Variants in RFTN1 observed in about 807,000 individuals in gnomAD.
RFTN1 encodes raftlin.
In RFTN1, 26 loss-of-function variants were observed where a neutral mutation model predicts 46.5. The ratio of observed to expected loss-of-function variants is 0.56; its 90% confidence interval spans 0.41 to 0.78. RFTN1 has a LOEUF of 0.78. Ranked by LOEUF, RFTN1 falls within the 30% of genes least tolerant of loss-of-function variation. The probability of loss-of-function intolerance (pLI) is 0.00; values close to 1 mark genes in which losing one functional copy is unlikely to be tolerated. For missense variants in RFTN1, 693 were observed against 718.7 expected (o/e 0.96, Z 0.41); for synonymous variants, 261 against 284.2 (o/e 0.92, Z 0.82).
rs1198975686 is a variant in RFTN1, at chr3:16,345,944, A to C, written c.1146+11988T>G. On this transcript the variant is annotated intron_variant, in intron 7 of 9. Coordinates refer to ENST00000334133, the MANE Select transcript of RFTN1 (RefSeq NM_015150.2). This position sits in a 1 kb window ranked among gnomAD's most constrained non-coding sequence, Gnocchi z 5.2. ...TTCTGTGGCATACACTGAATATTTTAAACCGCATTTGTCACAGGATTTTGA... is the reference window on the plus strand; with the variant it reads ...TTCTGTGGCATACACTGAATATTTTCAACCGCATTTGTCACAGGATTTTGA... 2 of 152,074 alleles carry C rather than the reference A, an allele frequency of 1.3e-5. No homozygotes were observed. The highest frequency in any genetic ancestry group is 4.8e-5 in the African/African-American group (2 of 41,388). The allele number at this position is 152,074 out of a possible 1,614,324, so 9.4% of individuals were successfully genotyped here.
intron 4 of RFTN1, among the ~76,000 whole-genome samples, chr3:16,399,670 A>C (rs1468701457): frequency 6.6e-6 from 1 of 152,134 alleles, no homozygotes; most frequent in Non-Finnish European, 1.5e-5. Context: ...GATTTCATCC[A>C]TGACCGTGGT....
chr3:16,360,426 A>G (rs2072757071), intron 6 of RFTN1, among the ~76,000 whole-genome samples: 1 of 152,232 alleles, frequency 6.6e-6, no homozygotes, highest in Non-Finnish European at 1.5e-5. Flanking sequence ...AATTACAGGC[A>G]AGAGCCACCG....
intron 2 of RFTN1, among the ~76,000 whole-genome samples, chr3:16,436,543 G>A (rs1274810747): frequency 6.6e-6 from 1 of 152,032 alleles, no homozygotes; most frequent in Admixed American, 6.6e-5. Context: ...ATAGCAGAAA[G>A]ACCTGGGATT....
At chr3:16,441,823 ATC>A (rs1449618117) in intron 2 of RFTN1, among the ~76,000 whole-genome samples, 1 of 152,200 alleles carries the variant, frequency 6.6e-6, no homozygotes, top group African/African-American at 2.4e-5. Context: ...GCTCAACCAA[ATC>A]TCTCTTTTTT....
intron 2 of RFTN1, among the ~76,000 whole-genome samples, chr3:16,491,655 A>T (rs932913833): frequency 6.6e-6 from 1 of 152,114 alleles, no homozygotes; most frequent in Non-Finnish European, 1.5e-5. Context: ...CAGTGGGGGG[A>T]CAAAGCACTG....
In RFTN1 at chr3:16,480,703, C is replaced by G. The variant is rs1283994691; in HGVS notation, c.145+13022G>C. Among the ~76,000 whole-genome samples, 2 of 152,168 alleles carry G rather than the reference C, an allele frequency of 1.3e-5. No homozygotes were observed. The highest frequency in any genetic ancestry group is 2.4e-5 in the African/African-American group (1 of 41,434). On this transcript the variant is annotated intron_variant, in intron 2 of 9. Coordinates refer to ENST00000334133, the MANE Select transcript of RFTN1 (RefSeq NM_015150.2). This position sits in a 1 kb window ranked among gnomAD's most constrained non-coding sequence, Gnocchi z 4.3. ...GAAATATGGTCAAACTATAAAATGA[C>G]AGTGGACCCAGTGAAATTAGAGAAA...
At position 16,454,629 on chromosome 3, in the gene RFTN1, G is replaced by A. The variant is rs2075874503; in HGVS notation, c.146-20592C>T. 4 of 331,220 alleles carry A rather than the reference G, an allele frequency of 1.2e-5. No homozygotes were observed. The Admixed American group carries it at 2.6e-4, about 21-fold the overall frequency. 20.5% of individuals were successfully genotyped at this position (331,220 alleles called of 1,614,324 possible). On this transcript the variant is annotated intron_variant, in intron 2 of 9. Transcript: ENST00000334133. ...GGGAATTGGGTAGATGGATACATAAGACACAAATCTCTCCTTTCTCCTCTC... is the reference window on the plus strand; with the variant it reads ...GGGAATTGGGTAGATGGATACATAAAACACAAATCTCTCCTTTCTCCTCTC...
chr3:16,507,808 CACATACAT>C lies in RFTN1; in HGVS notation c.-9+5626_-9+5633del, dbSNP rs57105411. Reference sequence around the variant, plus strand: ...ACATACACACAAACACACACAAACGCACATACATACATACATACACACACACACACATA... The same window carrying C: ...ACATACACACAAACACACACAAACGCACATACATACACACACACACACATA... On this transcript the variant is annotated intron_variant, in intron 1 of 9. Coordinates refer to ENST00000334133, the MANE Select transcript of RFTN1 (RefSeq NM_015150.2). The surrounding 1 kb of genome is among the most constrained non-coding windows in gnomAD (Gnocchi z 7.1). 9.5e-5 allele frequency among the ~76,000 whole-genome samples: 13 copies of C among 136,968 alleles called. No individual in the cohort carries two copies. The highest frequency in any genetic ancestry group is 3.0e-4 in the Admixed American group (4 of 13,148). 89.9% of individuals were successfully genotyped at this position (136,968 alleles called of 152,430 possible).
chr3:16,470,576 C>T (rs2076177354), intron 2 of RFTN1, among the ~76,000 whole-genome samples: 1 of 152,226 alleles, frequency 6.6e-6, no homozygotes, highest in Non-Finnish European at 1.5e-5. Flanking sequence ...TGTGTATAAA[C>T]TCTGCCCAGA....
rs971278815 is a variant in RFTN1, at chr3:16,481,115, T to C, written c.145+12610A>G. Among the ~76,000 whole-genome samples the C allele has an allele frequency of 6.6e-6, 1 of 152,146 alleles. No homozygotes were observed. The highest frequency in any genetic ancestry group is 2.4e-5 in the African/African-American group (1 of 41,444). ...CTGGGAAAACAGCATGAAGAGTTTT[T>C]ACATTCAGAAAGGAATGCAAAGGAA... On this transcript the variant is annotated intron_variant, in intron 2 of 9. Coordinates refer to ENST00000334133, the MANE Select transcript of RFTN1 (RefSeq NM_015150.2). This position sits in a 1 kb window ranked among gnomAD's most constrained non-coding sequence, Gnocchi z 5.1.
chr3:16,340,881 T>C (rs1301553968), intron 7 of RFTN1, among the ~76,000 whole-genome samples: 2 of 152,136 alleles, frequency 1.3e-5, no homozygotes, highest in East Asian at 3.8e-4. Flanking sequence ...AGTCAAAGAC[T>C]AGGAGAAATA....
intron 5 of RFTN1, among the ~76,000 whole-genome samples, chr3:16,373,746 G>C (rs1400057120): frequency 1.3e-5 from 2 of 152,206 alleles, no homozygotes; most frequent in East Asian, 1.9e-4. Flanking sequence ...GAAGGAACAA[G>C]TGGGCATCAC....
In RFTN1 at chr3:16,327,990, G is replaced by A. The variant is rs528124516; in HGVS notation, c.1147-1114C>T. On this transcript the variant is annotated intron_variant, in intron 7 of 9. Coordinates refer to ENST00000334133, the MANE Select transcript of RFTN1 (RefSeq NM_015150.2). The surrounding 1 kb of genome is among the most constrained non-coding windows in gnomAD (Gnocchi z 4.2). ...GTTTGGCTTCTTGTAGTTGGCTTCC[G>A]AAAATCTCAAACATGTATCCAGATT... Among the ~76,000 whole-genome samples the A allele has an allele frequency of 8.5e-5, 13 of 152,280 alleles. No homozygotes were observed. The East Asian group carries it at 2.1e-3, about 25-fold the overall frequency.
intron 6 of RFTN1, among the ~76,000 whole-genome samples, chr3:16,364,421 C>T (rs994585367): frequency 1.1e-4 from 16 of 152,192 alleles, no homozygotes; most frequent in Non-Finnish European, 1.9e-4. Context: ...TACTCGTTTT[C>T]CACAGTAGAC....
In RFTN1 at chr3:16,466,921, A is replaced by C. The variant is rs1217644335; in HGVS notation, c.145+26804T>G. Among the ~76,000 whole-genome samples, 3 of 152,188 alleles carry C rather than the reference A, an allele frequency of 2.0e-5. No homozygotes were observed. The highest frequency in any genetic ancestry group is 7.2e-5 in the African/African-American group (3 of 41,430). On this transcript the variant is annotated intron_variant, in intron 2 of 9. Coordinates refer to ENST00000334133, the MANE Select transcript of RFTN1 (RefSeq NM_015150.2). The surrounding 1 kb of genome is among the most constrained non-coding windows in gnomAD (Gnocchi z 5.6). ...GACAAAGGGAGGGAGGATAAAAAGG[A>C]AGGTCACTCTGATTGAAGAGGAGAT...
At chr3:16,495,391 A>G (rs566999471) in intron 1 of RFTN1, among the ~76,000 whole-genome samples, 2 of 152,260 alleles carry the variant, frequency 1.3e-5, no homozygotes, top group African/African-American at 4.8e-5. Context: ...AAAGAGCCCA[A>G]AGGCTCGCCA....
chr3:16,477,133 A>T (rs2076294854), intron 2 of RFTN1, among the ~76,000 whole-genome samples: 2 of 152,218 alleles, frequency 1.3e-5, no homozygotes, highest in Non-Finnish European at 2.9e-5. Flanking sequence ...TCCTGCTCAC[A>T]TGGCATCAGC....
rs1253052395 is a variant in RFTN1 at position 16,480,134 on chromosome 3, G to A, written c.145+13591C>T. Reference sequence around the variant, plus strand: ...ATATTGAATGGATCAATTTTGTTAAGTAACTTTGCCAGACAAGACTGCTTT... The same window carrying A: ...ATATTGAATGGATCAATTTTGTTAAATAACTTTGCCAGACAAGACTGCTTT... On this transcript the variant is annotated intron_variant, in intron 2 of 9. Coordinates refer to ENST00000334133, the MANE Select transcript of RFTN1 (RefSeq NM_015150.2). The surrounding 1 kb of genome is among the most constrained non-coding windows in gnomAD (Gnocchi z 4.3). 6.6e-6 allele frequency among the ~76,000 whole-genome samples: 1 copy of A among 151,896 alleles called. No homozygotes were observed. The highest frequency in any genetic ancestry group is 2.4e-5 in the African/African-American group (1 of 41,444).
In RFTN1 at chr3:16,458,375, G is replaced by T. The variant is rs1038759515; in HGVS notation, c.146-24338C>A. 6.6e-6 allele frequency among the ~76,000 whole-genome samples: 1 copy of T among 152,186 alleles called. No individual in the cohort carries two copies. Among genetic ancestry groups the T allele is most frequent in the South Asian group, 2.1e-4 (1 of 4,826 alleles). On this transcript the variant is annotated intron_variant, in intron 2 of 9. Transcript: ENST00000334133. The surrounding 1 kb of genome is among the most constrained non-coding windows in gnomAD (Gnocchi z 5.1). ...GGAGTTTCAGGTAGTGGGGTGCTATGCCCAGGATACAGCAGAAAGGAAAAG... is the reference window on the plus strand; with the variant it reads ...GGAGTTTCAGGTAGTGGGGTGCTATTCCCAGGATACAGCAGAAAGGAAAAG...
Sources: gnomAD v4.1 joint callset for allele counts (sites outside exome capture counted in the v4.1 genomes callset) on GRCh38, gnomAD v4.1.1 for gene constraint, Gnocchi (gnomAD v3.1) non-coding constraint, MANE v1.5 for transcripts, NCBI Gene and HGNC (gene_info 2026-07-23, HGNC 2026-07-21) for gene names.